Variants in NDUFAF6 observed in about 807,000 individuals in gnomAD.
NDUFAF6 encodes the protein NADH:ubiquinone oxidoreductase complex assembly factor 6, also known as NADH dehydrogenase (ubiquinone) complex I, assembly factor 6.
NDUFAF6 carries 45 observed loss-of-function variants against 40.8 expected under a neutral mutation model. That is an observed-to-expected ratio of 1.10 (90% CI 0.87 to 1.42). The LOEUF (loss-of-function observed/expected upper bound fraction) is 1.42, where lower values mean the gene tolerates loss of function less well. Among genes scored for constraint, NDUFAF6 ranks in the 40% most tolerant of loss-of-function variants. The pLI, the probability that NDUFAF6 is intolerant of heterozygous loss-of-function variation, is 0.00. For synonymous variants in NDUFAF6, 185 were observed against 155.9 expected (o/e 1.19, Z -1.39); for missense variants, 435 against 418.5 (o/e 1.04, Z -0.34).
chr8:95,052,259 A>G (rs748891153), intron 8 of NDUFAF6, 29 bp downstream of exon 8: 1 of 1,602,900 alleles, frequency 6.2e-7, no homozygotes, highest in South Asian at 1.1e-5. Flanking sequence ...AAGGCTGTAT[A>G]ATTAGTGAAG....
chr8:95,043,437 AATAG>A (rs1445757194), intron 4 of NDUFAF6, among the ~76,000 whole-genome samples: 1 of 151,236 alleles, frequency 6.6e-6, no homozygotes, highest in Non-Finnish European at 1.5e-5. Flanking sequence ...GAAAAGAAAA[AATAG>A]ATAGATTGGA....
chr8:95,039,465 G>C (rs1451294778), intron 3 of NDUFAF6, among the ~76,000 whole-genome samples: 1 of 148,300 alleles, frequency 6.7e-6, no homozygotes, highest in Non-Finnish European at 1.5e-5. Context: ...AAAAAAAAAG[G>C]GGGGGTTTCA....
In NDUFAF6 at chr8:94,924,367, C is replaced by T. The variant is rs936650922; in HGVS notation, c.-935-21116C>T. Among the ~76,000 whole-genome samples the T allele has an allele frequency of 1.4e-3, 214 of 152,082 alleles. 8 individuals carry two copies. Among genetic ancestry groups the T allele is most frequent in the Non-Finnish European group, 4.0e-4 (27 of 67,974 alleles). ...GAGCCACCGCACCCGGCCCCTTCCT[C>T]AGTTTTTAAAAAAGCTGCATTGACC... On this transcript the variant is annotated intron_variant, in intron 1 of 14. Transcript: ENST00000396113.
At chr8:94,944,084 A>C (rs1026457408) in intron 1 of NDUFAF6, among the ~76,000 whole-genome samples, 2 of 152,364 alleles carry the variant, frequency 1.3e-5, no homozygotes, top group South Asian at 2.1e-4. Context: ...CATTTATTTT[A>C]AATTGTGGAG....
rs753013292 is a variant in NDUFAF6, at chr8:94,939,996, T to C, written c.-935-5487T>C. On this transcript the variant is annotated intron_variant, in intron 1 of 14. Coordinates refer to the NDUFAF6 transcript ENST00000396113. Reference sequence around the variant, plus strand: ...TTTTCCATAGGACTTGTTTCCACCTTGATAGTGGTTAATCCACCTGCAGTA... The same window carrying C: ...TTTTCCATAGGACTTGTTTCCACCTCGATAGTGGTTAATCCACCTGCAGTA... 1.9e-6 allele frequency: 3 copies of C among 1,614,158 alleles called. No individual in the cohort carries two copies. The highest frequency in any genetic ancestry group is 1.7e-6 in the Non-Finnish European group (2 of 1,180,024).
intron 2 of NDUFAF6, among the ~76,000 whole-genome samples, chr8:95,002,384 T>C (rs2131645528): frequency 6.6e-6 from 1 of 152,296 alleles, no homozygotes; most frequent in South Asian, 2.1e-4. Flanking sequence ...CTCTTTCTCT[T>C]TTTTCCCCTC....
intron 5 of NDUFAF6, among the ~76,000 whole-genome samples, chr8:95,116,112 T>C (rs1044232151): frequency 2.0e-5 from 3 of 151,938 alleles, no homozygotes; most frequent in African/African-American, 4.8e-5. Context: ...CACTCCAGCC[T>C]GGGCGAAAGA....
chr8:94,971,948 CA>C (rs533948304), intron 1 of NDUFAF6, among the ~76,000 whole-genome samples: 1 of 151,822 alleles, frequency 6.6e-6, no homozygotes. Flanking sequence ...AACTCCGTCT[CA>C]AAAAAAATTC....
chr8:95,074,386 T>G (rs1403236390), intron 9 of NDUFAF6, among the ~76,000 whole-genome samples: 1 of 152,154 alleles, frequency 6.6e-6, no homozygotes, highest in Non-Finnish European at 1.5e-5. Context: ...CATGCTTAAT[T>G]GGATTGGTCT....
At chr8:95,047,851 A>G (rs535773908) in intron 6 of NDUFAF6, among the ~76,000 whole-genome samples, 9 of 151,934 alleles carry the variant, frequency 5.9e-5, no homozygotes, top group East Asian at 1.9e-4. Flanking sequence ...TGTTCTTTCA[A>G]ACTTTTTGTA....
In NDUFAF6 at chr8:95,058,051, G is replaced by A. The variant is rs1214011167; in HGVS notation, c.*114G>A. On this transcript the variant is annotated 3_prime_UTR_variant, in exon 9 of 9. Coordinates refer to ENST00000396124, the MANE Select transcript of NDUFAF6 (RefSeq NM_152416.4). ...AAGGAGAAAATGAATTTATTGAATG[G>A]GATGTCAAGTAGCTCACAAAATTGA... 2 of 1,485,648 alleles carry A rather than the reference G, an allele frequency of 1.3e-6. No individual in the cohort carries two copies. The highest frequency in any genetic ancestry group is 2.8e-5 in the African/African-American group (2 of 70,758). The allele number at this position is 1,485,648 out of a possible 1,614,324, so 92.0% of individuals were successfully genotyped here. A position where few individuals can be genotyped will look rare whatever the true frequency, so the allele number is the denominator to read the frequency against.
At chr8:95,044,161 A>C (rs1304798509) in intron 4 of NDUFAF6, among the ~76,000 whole-genome samples, 1 of 152,208 alleles carries the variant, frequency 6.6e-6, no homozygotes, top group Non-Finnish European at 1.5e-5. Flanking sequence ...TTTGTATGAA[A>C]TGCCCAGAAT....
Position 95,057,798 on chromosome 8 carries a change from C to G in NDUFAF6, c.874-11C>G. ...TTTATGATCTGGTGATCACTATTCT[C>G]TTTTTTCCAGGTTTCTCTAGAGGAC... On this transcript the variant is annotated splice_polypyrimidine_tract_variant and intron_variant, in intron 8 of 8. Transcript: ENST00000396124. 6.3e-7 allele frequency: 1 copy of G among 1,587,012 alleles called. No individual in the cohort carries two copies. Among genetic ancestry groups the G allele is most frequent in the Non-Finnish European group, 8.6e-7 (1 of 1,160,454 alleles).
intron 1 of NDUFAF6, chr8:94,940,865 T>C: frequency 3.1e-6 from 5 of 1,613,806 alleles, no homozygotes; most frequent in Non-Finnish European, 3.4e-6. Flanking sequence ...ATCATCTTCT[T>C]TCTCATTGAA....
intron 2 of NDUFAF6, among the ~76,000 whole-genome samples, chr8:95,018,062 T>TC (rs1438305171): frequency 6.6e-6 from 1 of 152,206 alleles, no homozygotes; most frequent in Non-Finnish European, 1.5e-5. Context: ...TATTTTTTTT[T>TC]CTGAGACAGG....
chr8:95,005,539 A>ATATG (rs1826929147), intron 2 of NDUFAF6, among the ~76,000 whole-genome samples: 1 of 134,224 alleles, frequency 7.5e-6, no homozygotes. Context: ...ATATATATAT[A>ATATG]TATATATATA....
Position 94,924,663 on chromosome 8 carries a change from G to A in NDUFAF6, c.-935-20820G>A, listed in dbSNP as rs1819738902. 2.0e-5 allele frequency among the ~76,000 whole-genome samples: 3 copies of A among 152,162 alleles called. No homozygotes were observed. The South Asian group carries it at 6.2e-4, about 31-fold the overall frequency. On this transcript the variant is annotated intron_variant, in intron 1 of 14. Transcript: ENST00000396113. The stretch of plus-strand genomic sequence containing the variant: ...ACCTGATCAAGCTGCTAGATTCCCT[G>A]GACACTCTGTAAGTGGGCCTAGCAA...
chr8:95,052,170 T>C lies in NDUFAF6; in HGVS notation c.817-4T>C. On this transcript the variant is annotated splice_region_variant and splice_polypyrimidine_tract_variant and intron_variant, in intron 7 of 8. Transcript: ENST00000396124. ...AACGAGCTTCCTCTCCTCTTCCTTT[T>C]TAGGCTAGGTCCTTTCACAAAACTG... The C allele has an allele frequency of 6.2e-7, 1 of 1,614,070 alleles. No individual in the cohort carries two copies. The highest frequency in any genetic ancestry group is 8.5e-7 in the Non-Finnish European group (1 of 1,179,956).
At chr8:94,924,185 T>G (rs2515237) in intron 1 of NDUFAF6, among the ~76,000 whole-genome samples, 2 of 151,878 alleles carry the variant, frequency 1.3e-5, no homozygotes, top group Admixed American at 6.6e-5. Flanking sequence ...CTCAGCCTCC[T>G]GAGTAGCTGG....
Sources: allele counts gnomAD v4.1 joint callset (sites outside exome capture counted in the v4.1 genomes callset), GRCh38; gene constraint gnomAD v4.1.1; transcripts MANE v1.5; gene names NCBI Gene and HGNC (gene_info 2026-07-23, HGNC 2026-07-21).